Variants in SH3GL3 observed in about 807,000 individuals in gnomAD.
SH3GL3 encodes endophilin-A3.
In SH3GL3, 33 loss-of-function variants were observed where a neutral mutation model predicts 47.7. That is an observed-to-expected ratio of 0.69 (90% confidence interval 0.52 to 0.92). SH3GL3 has a LOEUF of 0.92. Among genes scored for constraint, SH3GL3 ranks in the 40% least tolerant of loss-of-function variants. The pLI is 0.00. For missense variants in SH3GL3, 363 were observed against 417.8 expected (o/e 0.87, Z 1.14); for synonymous variants, 155 against 148.8 (o/e 1.04, Z -0.30).
In SH3GL3 at chr15:83,540,970, G is replaced by C. The variant is rs191380743; in HGVS notation, c.46-18283G>C. 1.6e-3 allele frequency among the ~76,000 whole-genome samples: 238 copies of C among 152,178 alleles called. 1 individual carries two copies. The highest frequency in any genetic ancestry group is 9.3e-3 in the Admixed American group (142 of 15,278). On this transcript the variant is annotated intron_variant, in intron 1 of 8. Coordinates refer to ENST00000427482, the MANE Select transcript of SH3GL3 (RefSeq NM_003027.5). ...CCCTTCCCAGCCTCCGGTGACCATC[G>C]TTCTACTCTCTGTCTTCATGAGTTC...
At chr15:83,546,768 T>G (rs905968089) in intron 1 of SH3GL3, among the ~76,000 whole-genome samples, 35 of 152,164 alleles carry the variant, frequency 2.3e-4, no homozygotes, top group Admixed American at 2.1e-3. Context: ...CAGCAGGTAG[T>G]GAATTCTGTG....
intron 1 of SH3GL3, among the ~76,000 whole-genome samples, chr15:83,462,096 G>A (rs1596020605): frequency 3.9e-5 from 6 of 152,286 alleles, no homozygotes; most frequent in Middle Eastern, 3.4e-3. Context: ...CTTTTCTAAA[G>A]CGCTGTAAGC....
At chr15:83,626,127 C>T in the SH3GL3 span, among the ~76,000 whole-genome samples, 1 of 152,158 alleles carries the variant, frequency 6.6e-6, no homozygotes, top group Non-Finnish European at 1.5e-5. Flanking sequence ...CTATCGCACC[C>T]AACCAATATT....
intron 8 of SH3GL3, among the ~76,000 whole-genome samples, chr15:83,601,121 A>T (rs1243208062): frequency 6.6e-6 from 1 of 152,176 alleles, no homozygotes; most frequent in East Asian, 1.9e-4. Context: ...TTTTCTAGGT[A>T]TACAATTATA....
chr15:83,478,708 G>A (rs773087469), intron 1 of SH3GL3, among the ~76,000 whole-genome samples: 2 of 152,146 alleles, frequency 1.3e-5, no homozygotes, highest in Non-Finnish European at 2.9e-5. Context: ...GATGGTGAAC[G>A]AGTCACATAT....
chr15:83,531,081 GC>G (rs1214806620), intron 1 of SH3GL3, among the ~76,000 whole-genome samples: 1 of 152,146 alleles, frequency 6.6e-6, no homozygotes, highest in Admixed American at 6.5e-5. Context: ...TCCTTAACAT[GC>G]CCACAGATTA....
intron 6 of SH3GL3, among the ~76,000 whole-genome samples, chr15:83,585,817 G>A (rs1004176302): frequency 7.9e-5 from 12 of 152,174 alleles, no homozygotes; most frequent in African/African-American, 2.7e-4. Flanking sequence ...AATTCAATGT[G>A]TCTCTTACAT....
intron 1 of SH3GL3, among the ~76,000 whole-genome samples, chr15:83,512,368 T>G (rs1270782849): frequency 6.6e-6 from 1 of 152,204 alleles, no homozygotes; most frequent in African/African-American, 2.4e-5. Flanking sequence ...TCAGTTTAAT[T>G]CTTGGCTGCT....
At chr15:83,627,622 C>G in the SH3GL3 span, among the ~76,000 whole-genome samples, 1 of 152,202 alleles carries the variant, frequency 6.6e-6, no homozygotes, top group African/African-American at 2.4e-5. Flanking sequence ...TATGTCTGGT[C>G]CTAACCCCTA....
chr15:83,551,548 C>T (rs750045544), intron 1 of SH3GL3, among the ~76,000 whole-genome samples: 14 of 152,170 alleles, frequency 9.2e-5, no homozygotes, highest in Non-Finnish European at 1.9e-4. Flanking sequence ...AACCGATCTG[C>T]CTGTCCACCT....
chr15:83,615,244 G>A (rs185743713), intron 8 of SH3GL3, among the ~76,000 whole-genome samples: 44 of 152,226 alleles, frequency 2.9e-4, no homozygotes, highest in African/African-American at 9.9e-4. Flanking sequence ...ATGAATTCAT[G>A]AGAATAGCAA....
intron 1 of SH3GL3, among the ~76,000 whole-genome samples, chr15:83,468,120 G>A (rs1054359033): frequency 1.3e-5 from 2 of 152,220 alleles, no homozygotes; most frequent in Admixed American, 6.5e-5. Flanking sequence ...ATGAGCCACT[G>A]CGCCCTGCCA....
chr15:83,560,859 A>C (rs1205814720), intron 2 of SH3GL3, among the ~76,000 whole-genome samples: 9 of 152,312 alleles, frequency 5.9e-5, no homozygotes, highest in African/African-American at 1.7e-4. Flanking sequence ...AATCAAAATA[A>C]AATTTGATGC....
chr15:83,583,170 T>G (rs531132028), intron 6 of SH3GL3, among the ~76,000 whole-genome samples: 5 of 152,228 alleles, frequency 3.3e-5, no homozygotes, highest in African/African-American at 9.6e-5. Flanking sequence ...TCTTTATTCC[T>G]GCATGCCAAA....
At chr15:83,622,603 A>G (rs1278765412), downstream of SH3GL3, among the ~76,000 whole-genome samples, 1 of 152,244 alleles carries the variant, frequency 6.6e-6, no homozygotes. Flanking sequence ...GCCAAGGAGG[A>G]GATGCAAGGA....
intron 2 of SH3GL3, among the ~76,000 whole-genome samples, chr15:83,562,033 AC>A (rs2045306840): frequency 2.0e-5 from 1 of 49,440 alleles, no homozygotes; most frequent in Non-Finnish European, 4.1e-5. Context: ...CACACACAAC[AC>A]ACACACACAC....
At chr15:83,548,385 T>C (rs1425705151) in intron 1 of SH3GL3, among the ~76,000 whole-genome samples, 2 of 149,640 alleles carry the variant, frequency 1.3e-5, no homozygotes, top group Non-Finnish European at 3.0e-5. Context: ...TATTTATATA[T>C]ATAAATTCAC....
the SH3GL3 span, among the ~76,000 whole-genome samples, chr15:83,625,656 C>T: frequency 0.01 from 1,585 of 152,186 alleles, 30 homozygotes; most frequent in African/African-American, 0.036. Context: ...ATTTTTATAG[C>T]TTATCTACTG....
At chr15:83,589,425 G>A (rs1330142462) in intron 8 of SH3GL3, among the ~76,000 whole-genome samples, 2 of 152,072 alleles carry the variant, frequency 1.3e-5, no homozygotes, top group Non-Finnish European at 2.9e-5. Flanking sequence ...CACCCAGGCT[G>A]TAGTGCAATG....
Sources: allele counts gnomAD v4.1 joint callset (sites outside exome capture counted in the v4.1 genomes callset), GRCh38; gene constraint gnomAD v4.1.1; transcripts MANE v1.5; gene names NCBI Gene and HGNC (gene_info 2026-07-23, HGNC 2026-07-21).